The following PRSS3 variants were observed in gnomAD, a reference collection of about 807,000 sequenced individuals.
PRSS3 encodes serine protease 3.
A neutral mutation model predicts 20.8 loss-of-function variants in PRSS3; 14 were observed. The ratio of observed to expected loss-of-function variants is 0.67; its 90% CI spans 0.44 to 1.05. The LOEUF (loss-of-function observed/expected upper bound fraction) is 1.05, where lower values mean the gene tolerates loss of function less well. Ranked by LOEUF, PRSS3 falls within the 50% of genes least tolerant of loss-of-function variation. The probability of loss-of-function intolerance (pLI) is 0.00; values close to 1 mark genes in which losing one functional copy is unlikely to be tolerated. For synonymous variants in PRSS3, 91 were observed against 117.6 expected (o/e 0.77, Z 1.46); for missense variants, 237 against 306.4 (o/e 0.77, Z 1.69).
chr9:33,750,697 G>C lies in PRSS3; in HGVS notation c.-83G>C, dbSNP rs1462018743. The C allele has an allele frequency of 1.4e-6, 2 of 1,449,434 alleles. No homozygotes were observed. Among genetic ancestry groups the C allele is most frequent in the Admixed American group, 2.8e-5 (1 of 35,278 alleles). 89.8% of individuals were successfully genotyped at this position (1,449,434 alleles called of 1,614,324 possible). On this transcript the variant is annotated 5_prime_UTR_variant, in exon 1 of 6. Transcript: ENST00000342836. The surrounding 1 kb of genome is among the most constrained non-coding windows in gnomAD (Gnocchi z 4.8). Reference sequence around the variant, plus strand: ...TGGACGCACTTGGCGAGCGGCGCGGGATGCAGACGGCTGCGAGGCGCTGGG... The same window carrying C: ...TGGACGCACTTGGCGAGCGGCGCGGCATGCAGACGGCTGCGAGGCGCTGGG...
chr9:33,767,991 T>C (rs1823514038), intron 1 of PRSS3, among the ~76,000 whole-genome samples: 1 of 152,200 alleles, frequency 6.6e-6, no homozygotes, highest in African/African-American at 2.4e-5. Flanking sequence ...AGAAGATAAA[T>C]GGCTGTGGTT....
chr9:33,751,032 G>A (rs910557220), intron 1 of PRSS3, among the ~76,000 whole-genome samples: 20 of 152,126 alleles, frequency 1.3e-4, no homozygotes, highest in African/African-American at 4.3e-4. Flanking sequence ...GCCTATGTCC[G>A]GCTGGCCGCG....
At chr9:33,772,808 TG>T (rs1823764974) in intron 1 of PRSS3, among the ~76,000 whole-genome samples, 1 of 152,318 alleles carries the variant, frequency 6.6e-6, no homozygotes, top group African/African-American at 2.4e-5. Context: ...CGCCACAAAC[TG>T]GGAGACATTT....
upstream of PRSS3, among the ~76,000 whole-genome samples, chr9:33,792,431 A>G (rs1400812413): frequency 6.6e-6 from 1 of 152,202 alleles, no homozygotes; most frequent in African/African-American, 2.4e-5. Flanking sequence ...ACTTTGTCTG[A>G]ATAGGGAAGG....
At chr9:33,755,216 C>T (rs868284693) in intron 1 of PRSS3, among the ~76,000 whole-genome samples, 4 of 152,106 alleles carry the variant, frequency 2.6e-5, no homozygotes, top group South Asian at 4.2e-4. Context: ...ATTTTATTTC[C>T]GTTAGCTTTT....
intron 1 of PRSS3, among the ~76,000 whole-genome samples, chr9:33,783,831 A>C (rs1824274410): frequency 6.7e-6 from 1 of 150,114 alleles, no homozygotes. Flanking sequence ...CGGAGCTTGC[A>C]GTGAGCCGGG....
At chr9:33,760,340 T>C (rs1229903712) in intron 1 of PRSS3, among the ~76,000 whole-genome samples, 2 of 152,138 alleles carry the variant, frequency 1.3e-5, no homozygotes, top group African/African-American at 4.8e-5. Context: ...TGACTAAAAC[T>C]TGCTCCAACT....
At chr9:33,765,284 G>A (rs1302515535) in intron 1 of PRSS3, among the ~76,000 whole-genome samples, 1 of 151,960 alleles carries the variant, frequency 6.6e-6, no homozygotes, top group Non-Finnish European at 1.5e-5. Flanking sequence ...ATATAAATTA[G>A]GTATAGTAAG....
chr9:33,790,934 T>C (rs1452764599), upstream of PRSS3, among the ~76,000 whole-genome samples: 9 of 152,230 alleles, frequency 5.9e-5, no homozygotes, highest in Admixed American at 2.6e-4. Context: ...GTTTAGATAA[T>C]CTAAGCCCAT....
At chr9:33,794,644 T>C (rs1824812438), upstream of PRSS3, 2 of 1,377,084 alleles carry the variant, frequency 1.5e-6, no homozygotes, top group East Asian at 5.1e-5. Context: ...GTAACCCAGA[T>C]TTACCATGGT....
chr9:33,795,717 C>T (rs1404432211), intron 1 of PRSS3, 104 bp downstream of exon 1: 1 of 1,384,408 alleles, frequency 7.2e-7, no homozygotes, highest in East Asian at 2.4e-5. Context: ...CTCTGATATT[C>T]TATTTCCTCC....
rs943289806 is a variant in PRSS3, at chr9:33,750,742, C to T, written c.-53+15C>T. 2.1e-6 allele frequency: 3 copies of T among 1,422,478 alleles called. No homozygotes were observed. Among genetic ancestry groups the T allele is most frequent in the African/African-American group, 3.0e-5 (2 of 66,258 alleles). The allele number at this position is 1,422,478 out of a possible 1,614,324, so 88.1% of individuals were successfully genotyped here. On this transcript the variant is annotated intron_variant, in intron 1 of 5. Coordinates refer to the PRSS3 transcript ENST00000342836. This position sits in a 1 kb window ranked among gnomAD's most constrained non-coding sequence, Gnocchi z 4.8. ...GCTGGGCACAGGTCAGACGTCAGTA[C>T]CCGCAGGGGGCTTGAAACTGGAGGA... is the stretch of plus-strand genomic sequence containing the variant.
intron 1 of PRSS3, among the ~76,000 whole-genome samples, chr9:33,770,378 C>CGA (rs1271174670): frequency 6.6e-6 from 1 of 152,106 alleles, no homozygotes; most frequent in African/African-American, 2.4e-5. Context: ...CTGGTTTAGA[C>CGA]GATACTTACA....
chr9:33,795,093 GA>G (rs1824843788), upstream of PRSS3, among the ~76,000 whole-genome samples: 1 of 152,214 alleles, frequency 6.6e-6, no homozygotes, highest in Non-Finnish European at 1.5e-5. Context: ...TCACAAAAAT[GA>G]GCCTTAGATA....
chr9:33,785,091 C>G (rs1254888736), intron 1 of PRSS3, among the ~76,000 whole-genome samples: 1 of 146,542 alleles, frequency 6.8e-6, no homozygotes, highest in Admixed American at 6.8e-5. Flanking sequence ...CAAAAATGAA[C>G]TATTTTAAGC....
intron 1 of PRSS3, chr9:33,786,473 C>A (rs1279445218): frequency 1.1e-5 from 8 of 724,546 alleles, no homozygotes; most frequent in Non-Finnish European, 2.0e-5. Context: ...AAAGCAGAGA[C>A]TTTCCCGTCT....
chr9:33,763,775 A>G (rs1444202025), intron 1 of PRSS3, among the ~76,000 whole-genome samples: 3 of 151,200 alleles, frequency 2.0e-5, no homozygotes, highest in African/African-American at 4.9e-5. Context: ...CACTCCCACC[A>G]TATGGACGAT....
chr9:33,774,538 C>T (rs1435737140), intron 1 of PRSS3, among the ~76,000 whole-genome samples: 1 of 152,088 alleles, frequency 6.6e-6, no homozygotes. Context: ...GGAGGGAAGC[C>T]GGTTAGTCAG....
At position 33,797,940 on chromosome 9, in the gene PRSS3, G is replaced by A. The variant is rs1825085666; in HGVS notation, c.312G>A (p.Leu104=). 2 of 1,614,262 alleles carry A rather than the reference G, an allele frequency of 1.2e-6. No homozygotes were observed. Among genetic ancestry groups the A allele is most frequent in the South Asian group, 1.1e-5 (1 of 91,086 alleles). Residue 104 remains leucine, a synonymous_variant, in exon 3 of 5, where the codon CTG becomes CTA. Transcript: ENST00000379405. ...ACCCTAAATACAACAGGGACACTCT[G>A]GACAATGACATCATGCTGATCAAAC... ...IRHPKYNRDT[L]DNDIMLIKLS...
Sources: gnomAD v4.1 joint callset for allele counts (sites outside exome capture counted in the v4.1 genomes callset) on GRCh38, gnomAD v4.1.1 for gene constraint, Gnocchi (gnomAD v3.1) non-coding constraint, MANE v1.5 for transcripts, NCBI Gene and HGNC (gene_info 2026-07-23, HGNC 2026-07-21) for gene names.